The following CDH18 variants were observed in gnomAD, a reference collection of about 807,000 sequenced individuals.
The protein encoded by CDH18 is cadherin-18.
In CDH18, 31 loss-of-function variants were observed where a neutral mutation model predicts 67.9. The ratio of observed to expected loss-of-function variants is 0.46; its 90% CI spans 0.34 to 0.62. The LOEUF (loss-of-function observed/expected upper bound fraction) is 0.62. Among genes scored for constraint, CDH18 ranks in the 20% least tolerant of loss-of-function variants. CDH18 has a pLI of 0.01. For synonymous variants in CDH18, 362 were observed against 347.2 expected, an observed-to-expected ratio of 1.04 and a Z score of -0.48; for missense variants, 890 against 975.5, an observed-to-expected ratio of 0.91 and a Z score of 1.17.
At chr5:19,924,224 C>G (rs1309475036) in intron 2 of CDH18, among the ~76,000 whole-genome samples, 1 of 152,176 alleles carries the variant, frequency 6.6e-6, no homozygotes, top group Admixed American at 6.5e-5. Context: ...GCACAGAAAT[C>G]CTGTCTCTAA....
chr5:20,385,444 GCA>G (rs1372395169), intron 1 of CDH18, among the ~76,000 whole-genome samples: 1 of 152,048 alleles, frequency 6.6e-6, no homozygotes, highest in Non-Finnish European at 1.5e-5. Context: ...TTCATAACAA[GCA>G]AAATGAGAAT....
At position 19,548,727 on chromosome 5, in the gene CDH18, A is replaced by G. The variant is rs546188151; in HGVS notation, c.1254-4722T>C. ...AGTGCAACAGATTAAAATACAATCT[A>G]GGTCTACTGAGTAATATTTATCAGC... On this transcript the variant is annotated intron_variant, in intron 8 of 12. Coordinates refer to ENST00000382275, the MANE Select transcript of CDH18 (RefSeq NM_004934.5). Among the ~76,000 whole-genome samples the G allele has an allele frequency of 1.1e-3, 172 of 151,436 alleles. 1 individual carries two copies. The highest frequency in any genetic ancestry group is 4.1e-3 in the African/African-American group (170 of 41,232).
chr5:19,605,569 T>C (rs2150082296), intron 6 of CDH18, among the ~76,000 whole-genome samples: 1 of 152,154 alleles, frequency 6.6e-6, no homozygotes, highest in Non-Finnish European at 1.5e-5. Flanking sequence ...GAATGATCTT[T>C]CAAATCTGGA....
chr5:20,187,041 A>G (rs1379098556), intron 2 of CDH18, among the ~76,000 whole-genome samples: 1 of 151,930 alleles, frequency 6.6e-6, no homozygotes, highest in Non-Finnish European at 1.5e-5. Flanking sequence ...AGCCAGTCAC[A>G]AAAATATAAA....
intron 11 of CDH18, among the ~76,000 whole-genome samples, chr5:19,495,226 T>C (rs574571719): frequency 9.9e-4 from 151 of 152,176 alleles, no homozygotes; most frequent in Non-Finnish European, 1.8e-3. Flanking sequence ...AGCAAATATC[T>C]GTAGCATTCA....
intron 1 of CDH18, among the ~76,000 whole-genome samples, chr5:20,386,581 AAAT>A (rs1744327596): frequency 6.6e-6 from 1 of 152,152 alleles, no homozygotes; most frequent in African/African-American, 2.4e-5. Flanking sequence ...TGCATAACTT[AAAT>A]AATATGGCCA....
intron 2 of CDH18, among the ~76,000 whole-genome samples, chr5:20,196,583 G>A (rs1738998855): frequency 6.6e-6 from 1 of 152,108 alleles, no homozygotes; most frequent in African/African-American, 2.4e-5. Flanking sequence ...TACTTCTTAT[G>A]TACTTAATAA....
At chr5:20,369,451 T>G (rs4485932) in intron 1 of CDH18, among the ~76,000 whole-genome samples, 150,264 of 152,296 alleles carry the variant, frequency 0.99, 74,174 homozygotes, top group Middle Eastern at 1. Context: ...CAGGTAAATT[T>G]TTGCCCTTTT....
intron 1 of CDH18, among the ~76,000 whole-genome samples, chr5:20,537,630 G>A (rs965514038): frequency 6.6e-6 from 1 of 151,992 alleles, no homozygotes; most frequent in Non-Finnish European, 1.5e-5. Context: ...CCTTATATCT[G>A]TAAGTCATAA....
chr5:20,415,318 C>A (rs538496854), intron 1 of CDH18, among the ~76,000 whole-genome samples: 3 of 150,596 alleles, frequency 2.0e-5, no homozygotes, highest in Admixed American at 1.3e-4. Context: ...ACTTGGGAGG[C>A]GGAGGTTGCA....
intron 2 of CDH18, among the ~76,000 whole-genome samples, chr5:20,074,256 A>C (rs569185197): frequency 1.6e-4 from 25 of 152,226 alleles, no homozygotes; most frequent in African/African-American, 6.0e-4. Context: ...GTAATATCTA[A>C]GTTCTTCTGT....
Position 20,439,361 on chromosome 5 carries a change from T to C in CDH18, c.-580+136101A>G, listed in dbSNP as rs548119393. ...TATGTTCTTGAAAGGTTGTAAACTA[T>C]TGTTTTGAAGGATATTTTTGAGGTC... On this transcript the variant is annotated intron_variant, in intron 1 of 14. Coordinates refer to the CDH18 transcript ENST00000507958. Among the ~76,000 whole-genome samples, 200 of 151,694 alleles carry C rather than the reference T, an allele frequency of 1.3e-3. 2 individuals carry two copies. Among genetic ancestry groups the C allele is most frequent in the Middle Eastern group, 3.4e-3 (1 of 294 alleles).
intron 1 of CDH18, among the ~76,000 whole-genome samples, chr5:20,569,633 A>G (rs1255720638): frequency 1.3e-5 from 2 of 152,098 alleles, no homozygotes; most frequent in Non-Finnish European, 1.5e-5. Context: ...AACAACAACA[A>G]CAACAAACTC....
At chr5:19,626,251 G>A (rs6863616) in intron 5 of CDH18, among the ~76,000 whole-genome samples, 1 of 152,108 alleles carries the variant, frequency 6.6e-6, no homozygotes, top group Non-Finnish European at 1.5e-5. Context: ...TGTTCTTTGA[G>A]CCCATATTAA....
intron 1 of CDH18, among the ~76,000 whole-genome samples, chr5:20,552,097 C>T (rs1757663569): frequency 6.6e-6 from 1 of 151,670 alleles, no homozygotes; most frequent in African/African-American, 2.4e-5. Context: ...GGTATGTTTG[C>T]CAAAGATTTG....
At chr5:19,512,443 G>C (rs2126837202) in intron 10 of CDH18, among the ~76,000 whole-genome samples, 1 of 152,124 alleles carries the variant, frequency 6.6e-6, no homozygotes, top group Non-Finnish European at 1.5e-5. Flanking sequence ...ATCCACTGAG[G>C]CAAAGGACCT....
intron 2 of CDH18, among the ~76,000 whole-genome samples, chr5:19,974,303 G>A (rs1489567199): frequency 1.3e-5 from 2 of 151,816 alleles, no homozygotes; most frequent in Non-Finnish European, 2.9e-5. Context: ...AGGCCGAGGC[G>A]GGCAGATCAC....
intron 1 of CDH18, among the ~76,000 whole-genome samples, chr5:20,259,687 C>T (rs755119474): frequency 2.0e-5 from 3 of 152,098 alleles, no homozygotes; most frequent in Non-Finnish European, 2.9e-5. Flanking sequence ...TCAACAGTAA[C>T]CCATTAGCAG....
intron 11 of CDH18, among the ~76,000 whole-genome samples, chr5:19,499,400 C>T (rs550371759): frequency 6.6e-6 from 1 of 151,938 alleles, no homozygotes; most frequent in African/African-American, 2.4e-5. Context: ...CATATATGTG[C>T]TATATATACA....
Sources: gnomAD v4.1 joint callset for allele counts (sites outside exome capture counted in the v4.1 genomes callset) on GRCh38, gnomAD v4.1.1 for gene constraint, MANE v1.5 for transcripts, NCBI Gene and HGNC (gene_info 2026-07-23, HGNC 2026-07-21) for gene names.